The following NUP205 variants were observed in gnomAD, a reference collection of about 807,000 sequenced individuals.
NUP205 encodes nucleoporin 205, also known as nuclear pore complex protein Nup205.
In NUP205, 76 loss-of-function variants were observed where a neutral mutation model predicts 253.8. That is an observed-to-expected ratio of 0.30 (90% CI 0.25 to 0.36). The LOEUF (loss-of-function observed/expected upper bound fraction) is 0.36, where lower values mean the gene tolerates loss of function less well. Ranked by LOEUF, NUP205 falls within the 10% of genes least tolerant of loss-of-function variation. The probability of loss-of-function intolerance (pLI) is 1.00; values close to 1 mark genes in which losing one functional copy is unlikely to be tolerated. For missense variants in NUP205, 2,162 were observed against 2,425.5 expected (o/e 0.89, Z 2.28); for synonymous variants, 832 against 850.1 (o/e 0.98, Z 0.37).
chr7:135,559,467 T>C (rs1403336030), intron 1 of NUP205, among the ~76,000 whole-genome samples: 2 of 152,178 alleles, frequency 1.3e-5, no homozygotes, highest in East Asian at 3.9e-4. Flanking sequence ...GCCTCCCAGG[T>C]TGAAGCAATT....
chr7:135,647,754 C>T (rs1795036887), intron 42 of NUP205, among the ~76,000 whole-genome samples: 1 of 152,178 alleles, frequency 6.6e-6, no homozygotes, highest in Non-Finnish European at 1.5e-5. Flanking sequence ...AATAAATAAT[C>T]TCACACTCTG....
At chr7:135,645,672 A>G (rs1451935737) in intron 41 of NUP205, 76 bp downstream of exon 41, 1 of 1,418,428 alleles carries the variant, frequency 7.1e-7, no homozygotes, top group Non-Finnish European at 9.6e-7. Context: ...GTTTTTTTTT[A>G]TTTTTGTTTC....
chr7:135,609,923 T>A (rs913386294), intron 22 of NUP205, among the ~76,000 whole-genome samples: 3 of 152,204 alleles, frequency 2.0e-5, no homozygotes, highest in Admixed American at 2.0e-4. Flanking sequence ...ACACCTAGGC[T>A]AATGGCAGGT....
chr7:135,597,945 A>C, intron 14 of NUP205, 53 bp from the exon 15 acceptor site: 1 of 1,378,478 alleles, frequency 7.3e-7, no homozygotes, highest in Non-Finnish European at 1.0e-6. Context: ...AATACTCTTC[A>C]CTTCATAGCT....
chr7:135,603,295 G>A (rs76395462), intron 18 of NUP205, among the ~76,000 whole-genome samples: 5,144 of 150,980 alleles, frequency 0.034, 117 homozygotes, highest in Middle Eastern at 0.1. Context: ...TTGTGTTTTT[G>A]GTAGAGACGG....
intron 15 of NUP205, among the ~76,000 whole-genome samples, chr7:135,599,451 A>G (rs1035488089): frequency 4.6e-5 from 7 of 152,314 alleles, no homozygotes; most frequent in South Asian, 4.1e-4. Context: ...AGAACTTAAC[A>G]TGTATTTCCT....
At chr7:135,631,073 A>G (rs929507168) in intron 35 of NUP205, among the ~76,000 whole-genome samples, 7 of 151,704 alleles carry the variant, frequency 4.6e-5, no homozygotes, top group African/African-American at 1.7e-4. Flanking sequence ...GTGTACGTAC[A>G]TATGAGAAAG....
At chr7:135,612,047 G>A (rs1017270491) in intron 22 of NUP205, among the ~76,000 whole-genome samples, 2 of 152,140 alleles carry the variant, frequency 1.3e-5, no homozygotes, top group South Asian at 4.1e-4. Context: ...ATGAACCCGG[G>A]ACGTGGAGCT....
At chr7:135,643,168 GT>G (rs1451819442) in intron 38 of NUP205, 23 bp from the exon 39 acceptor site, 1 of 1,601,186 alleles carries the variant, frequency 6.2e-7, no homozygotes. Context: ...GTGGAACATT[GT>G]TTTATGTCAT....
At chr7:135,624,542 A>C (rs1794542423) in intron 31 of NUP205, among the ~76,000 whole-genome samples, 1 of 151,576 alleles carries the variant, frequency 6.6e-6, no homozygotes, top group African/African-American at 2.4e-5. Context: ...CGCCCAGCTA[A>C]TTTTTTTTGT....
At chr7:135,558,266 G>A in intron 1 of NUP205, 1 of 445,510 alleles carries the variant, frequency 2.2e-6, no homozygotes, top group Non-Finnish European at 4.2e-6. Context: ...TCACCCCCAA[G>A]TTTCACTGTG....
In NUP205 at chr7:135,602,796, G is replaced by A; in HGVS notation, c.2513-9G>A. ...TTTAGAACTTTCTAACTTTATTTTT[G>A]GTTGATAGGGAAAAAACACCTGGAG... On this transcript the variant is annotated splice_polypyrimidine_tract_variant and intron_variant, in intron 17 of 42. Coordinates refer to ENST00000285968, the MANE Select transcript of NUP205 (RefSeq NM_015135.3). 1 of 1,594,632 alleles carries A rather than the reference G, an allele frequency of 6.3e-7. No homozygotes were observed. Among genetic ancestry groups the A allele is most frequent in the Non-Finnish European group, 8.5e-7 (1 of 1,172,690 alleles).
chr7:135,583,360 A>G (rs1442767368), intron 7 of NUP205, among the ~76,000 whole-genome samples: 1 of 152,198 alleles, frequency 6.6e-6, no homozygotes, highest in African/African-American at 2.4e-5. Context: ...TCTTGATGGA[A>G]AGATACACCA....
In NUP205 at chr7:135,588,884, G is replaced by A. The variant is rs145640297; in HGVS notation, c.1473+892G>A. ...TATTAACTAAAGTATGATGTGCAGA[G>A]GCAAATAAAATGAATTGCTATGCAG... On this transcript the variant is annotated intron_variant, in intron 10 of 42. Transcript: ENST00000285968. Among the ~76,000 whole-genome samples the A allele has an allele frequency of 2.6e-5, 4 of 151,274 alleles. No homozygotes were observed. The East Asian group carries it at 5.8e-4, about 22-fold the overall frequency.
intron 35 of NUP205, among the ~76,000 whole-genome samples, chr7:135,633,893 C>T (rs762356216): frequency 5.3e-5 from 8 of 152,190 alleles, no homozygotes; most frequent in Non-Finnish European, 1.0e-4. Flanking sequence ...CTACTATCAA[C>T]CCTGTTGTGT....
intron 29 of NUP205, 23 bp downstream of exon 29, chr7:135,619,713 A>G (rs757900090): frequency 3.1e-6 from 5 of 1,599,430 alleles, no homozygotes; most frequent in Non-Finnish European, 4.3e-6. Context: ...TAAATTGTCT[A>G]TAAATTCTAT....
At position 135,604,430 on chromosome 7, in the gene NUP205, A is replaced by G. The variant is rs758285316; in HGVS notation, c.2793A>G (p.Ile931Met). 3 of 1,608,898 alleles carry G rather than the reference A, an allele frequency of 1.9e-6. No individual in the cohort carries two copies. The Admixed American group carries it at 5.1e-5, about 27-fold the overall frequency. Residue 931 changes from isoleucine to methionine, a missense_variant, in exon 19 of 43, where the codon ATA (isoleucine) becomes ATG (methionine). Transcript: ENST00000285968. ...TCTCTTGCAACTCTAATATTCAGATAAAGTTGGTTGGAGATTTCACACATG... is the reference window on the plus strand; with the variant it reads ...TCTCTTGCAACTCTAATATTCAGATGAAGTTGGTTGGAGATTTCACACATG... ...CCISCNSNIQ[I>M]KLVGDFTHDQ...
chr7:135,578,874 C>T lies in NUP205; in HGVS notation c.1001C>T (p.Ala334Val), dbSNP rs1437937080. The T allele has an allele frequency of 1.9e-6, 3 of 1,609,500 alleles. No homozygotes were observed. Among genetic ancestry groups the T allele is most frequent in the Non-Finnish European group, 1.7e-6 (2 of 1,178,674 alleles). The change falls in exon 7 of 43, where the codon GCG becomes GTG. Residue 334 changes from alanine to valine, a missense_variant. Coordinates refer to ENST00000285968, the MANE Select transcript of NUP205 (RefSeq NM_015135.3). ...CAAGCCACTGTTAGACTTGCCTGGG[C>T]GCTGGCATTGAGGGGAATATCCCAG... ...GLQATVRLAW[A>V]LALRGISQLP...
chr7:135,590,851 T>C (rs1246214678), intron 10 of NUP205, among the ~76,000 whole-genome samples: 1 of 152,150 alleles, frequency 6.6e-6, no homozygotes, highest in Non-Finnish European at 1.5e-5. Flanking sequence ...TAAACCTAGC[T>C]GATTTAATAG....
Sources: allele counts gnomAD v4.1 joint callset (sites outside exome capture counted in the v4.1 genomes callset), GRCh38; gene constraint gnomAD v4.1.1; transcripts MANE v1.5; gene names NCBI Gene and HGNC (gene_info 2026-07-23, HGNC 2026-07-21).